AKAP6: variants seen among roughly 807,000 people sequenced by gnomAD.
The protein encoded by AKAP6 is A-kinase anchoring protein 6.
AKAP6 carries 58 observed loss-of-function variants against 188.5 expected under a neutral mutation model. That is an observed-to-expected ratio of 0.31 (90% CI 0.25 to 0.38). The LOEUF is 0.38. AKAP6 is among the 10% of genes least tolerant of loss of function. The pLI is 1.00. For missense variants in AKAP6, 2,710 were observed against 2,740.0 expected (o/e 0.99, Z 0.24); for synonymous variants, 989 against 998.6 (o/e 0.99, Z 0.18).
chr14:32,735,266 G>GT (rs2031360649), intron 10 of AKAP6, among the ~76,000 whole-genome samples: 1 of 152,064 alleles, frequency 6.6e-6, no homozygotes, highest in African/African-American at 2.4e-5. Flanking sequence ...TATGTGGAGA[G>GT]TTTTTTACTA....
chr14:32,794,134 A>G (rs989000986), intron 12 of AKAP6, among the ~76,000 whole-genome samples: 1 of 152,316 alleles, frequency 6.6e-6, no homozygotes, highest in African/African-American at 2.4e-5. Context: ...CAAAAAACTG[A>G]AATCATAACA....
chr14:32,388,919 T>C (rs1888618360), intron 1 of AKAP6, among the ~76,000 whole-genome samples: 1 of 152,194 alleles, frequency 6.6e-6, no homozygotes, highest in African/African-American at 2.4e-5. Flanking sequence ...TGATTTTCTG[T>C]CTTGATGACT....
At chr14:32,442,194 G>C (rs1890598455) in intron 2 of AKAP6, 1 of 152,198 alleles carries the variant, frequency 6.6e-6, no homozygotes, top group Admixed American at 6.5e-5. Flanking sequence ...TGAGGAGACT[G>C]AGTCTCAAAA....
In AKAP6 at chr14:32,821,670, A is replaced by G. The variant is rs781580822; in HGVS notation, c.3857A>G (p.Tyr1286Cys). 6.8e-6 allele frequency: 11 copies of G among 1,613,644 alleles called. No individual in the cohort carries two copies. In the Middle Eastern group the frequency reaches 6.6e-4, roughly 96 times the overall value. Residue 1286 changes from tyrosine (Y) to cysteine (C), a missense_variant, in exon 13 of 14, where the codon TAC (tyrosine) becomes TGC (cysteine). Physicochemically the swap from Tyr to Cys is radical, Grantham distance 194. Transcript: ENST00000280979. Reference sequence around the variant, plus strand: ...ACTGCCCCCTCTAGTCCACACATTTACCAGGTGTACAGCCTCCACAATGTT... The same window carrying G: ...ACTGCCCCCTCTAGTCCACACATTTGCCAGGTGTACAGCCTCCACAATGTT... ...NITAPSSPHI[Y>C]QVYSLHNVEL...
At chr14:32,447,897 T>C (rs1939746372) in intron 2 of AKAP6, among the ~76,000 whole-genome samples, 1 of 152,218 alleles carries the variant, frequency 6.6e-6, no homozygotes, top group African/African-American at 2.4e-5. Flanking sequence ...TACACCGACA[T>C]ATTTAAATCA....
At chr14:32,452,719 G>A (rs1890982398) in intron 2 of AKAP6, among the ~76,000 whole-genome samples, 1 of 152,118 alleles carries the variant, frequency 6.6e-6, no homozygotes, top group Admixed American at 6.5e-5. Flanking sequence ...ACATGTTGTT[G>A]AACTGTGCTC....
rs183054531 is a variant in AKAP6, at chr14:32,551,702, A to T, written c.2346+4703A>T. ...GAGATGGAGTCTTGCTCTGTCGCCC[A>T]GGCTGGAGTGCAGTGGCACGATCTC... On this transcript the variant is annotated intron_variant, in intron 4 of 13. Coordinates refer to ENST00000280979, the MANE Select transcript of AKAP6 (RefSeq NM_004274.5). Among the ~76,000 whole-genome samples, 923 of 151,598 alleles carry T rather than the reference A, an allele frequency of 6.1e-3. 6 individuals carry two copies. The highest frequency in any genetic ancestry group is 0.021 in the African/African-American group (878 of 41,376).
intron 2 of AKAP6, among the ~76,000 whole-genome samples, chr14:32,435,791 AC>A (rs1228763856): frequency 1.3e-5 from 2 of 152,224 alleles, no homozygotes; most frequent in Admixed American, 6.5e-5. Flanking sequence ...GAGCCTTTCC[AC>A]ATTGAGTTCA....
In AKAP6 at chr14:32,687,424, C is replaced by T. The variant is rs948998913; in HGVS notation, c.2880-8566C>T. 1.3e-5 allele frequency among the ~76,000 whole-genome samples: 2 copies of T among 149,448 alleles called. 1 individual carries two copies. The highest frequency in any genetic ancestry group is 4.2e-4 in the South Asian group (2 of 4,730). On this transcript the variant is annotated intron_variant, in intron 8 of 13. Transcript: ENST00000280979. Reference sequence around the variant, plus strand: ...TATCTCTCTCTCTCTCTCTCTCTCTCTCTCTCTCTCTCTCTCTTTCTCTCT... The same window carrying T: ...TATCTCTCTCTCTCTCTCTCTCTCTTTCTCTCTCTCTCTCTCTTTCTCTCT...
chr14:32,822,839 A>C lies in AKAP6; in HGVS notation c.5026A>C (p.Ile1676Leu). The change falls in exon 13 of 14, where the codon ATA (isoleucine) becomes CTA (leucine). Residue 1676 changes from isoleucine (I) to leucine (L), a missense_variant. Physicochemically the swap from Ile to Leu is conservative, Grantham distance 5. This residue lies in a region of AKAP6 where 2,473 missense variants were observed against 2,426.1 expected (regional missense o/e 1.02). Transcript: ENST00000280979. ...CTTTACTGGCCAGATGTCATTGGACATAGCATCTTCTATCAATGAAGACTC... is the reference window on the plus strand; with the variant it reads ...CTTTACTGGCCAGATGTCATTGGACCTAGCATCTTCTATCAATGAAGACTC... ...MSFTGQMSLDIASSINEDSAA... is the reference protein window; with the variant it reads ...MSFTGQMSLDLASSINEDSAA... The C allele has an allele frequency of 6.2e-7, 1 of 1,614,010 alleles. No homozygotes were observed. Among genetic ancestry groups the C allele is most frequent in the Non-Finnish European group, 8.5e-7 (1 of 1,179,926 alleles).
chr14:32,676,017 A>G (rs1889409726), intron 7 of AKAP6, among the ~76,000 whole-genome samples: 1 of 152,172 alleles, frequency 6.6e-6, no homozygotes, highest in African/African-American at 2.4e-5. Context: ...ACCCAGAATG[A>G]ATCATGATCA....
intron 2 of AKAP6, among the ~76,000 whole-genome samples, chr14:32,516,552 G>A (rs963252895): frequency 1.3e-5 from 2 of 152,112 alleles, no homozygotes; most frequent in Non-Finnish European, 2.9e-5. Context: ...ACTAGTAGTA[G>A]TATTAAGATA....
At chr14:32,711,934 C>T (rs1160671592) in intron 9 of AKAP6, among the ~76,000 whole-genome samples, 2 of 151,898 alleles carry the variant, frequency 1.3e-5, no homozygotes, top group Non-Finnish European at 2.9e-5. Flanking sequence ...ATTCCAACTT[C>T]AGTATTTTCT....
At chr14:32,506,920 T>C (rs1424166301) in intron 2 of AKAP6, among the ~76,000 whole-genome samples, 6 of 152,284 alleles carry the variant, frequency 3.9e-5, no homozygotes, top group East Asian at 1.9e-4. Context: ...TACACACATA[T>C]ACACACACAC....
At chr14:32,826,993 A>C (rs1566742614) in intron 13 of AKAP6, among the ~76,000 whole-genome samples, 1 of 152,104 alleles carries the variant, frequency 6.6e-6, no homozygotes, top group Non-Finnish European at 1.5e-5. Flanking sequence ...CCTATTCAGG[A>C]TTTTTTTCAG....
intron 11 of AKAP6, among the ~76,000 whole-genome samples, chr14:32,742,019 G>T (rs1490379321): frequency 6.6e-6 from 1 of 151,446 alleles, no homozygotes; most frequent in African/African-American, 2.4e-5. Context: ...TTTCTTTACT[G>T]GGGGATTTTT....
At chr14:32,384,946 G>A (rs985636902) in intron 1 of AKAP6, 1 of 152,030 alleles carries the variant, frequency 6.6e-6, no homozygotes, top group African/African-American at 2.4e-5. Context: ...TTATGGTAAT[G>A]GGTGCTGATG....
chr14:32,546,045 T>C lies in AKAP6; in HGVS notation c.1392T>C (p.Asn464=), dbSNP rs1883182081. Residue 464 remains asparagine (N), a synonymous_variant, in exon 4 of 14, where the codon AAT becomes AAC. Transcript: ENST00000280979. ...QSYECLHKVG[N]GNLENTVKFH... ...ATGAGTGTTTACACAAGGTGGGGAA[T>C]GGGAACCTTGAAAACACAGTCAAAT... 1.2e-6 allele frequency: 2 copies of C among 1,614,178 alleles called. No individual in the cohort carries two copies. The highest frequency in any genetic ancestry group is 2.2e-5 in the East Asian group (1 of 44,874).
chr14:32,672,149 T>G (rs766307423), intron 7 of AKAP6, among the ~76,000 whole-genome samples: 2 of 152,202 alleles, frequency 1.3e-5, no homozygotes, highest in African/African-American at 2.4e-5. Context: ...TTTAGCAAAC[T>G]GCATTTTGTG....
Sources: allele counts gnomAD v4.1 joint callset (sites outside exome capture counted in the v4.1 genomes callset), GRCh38; gene constraint gnomAD v4.1.1; regional missense constraint gnomAD v4.1.1; transcripts MANE v1.5; gene names NCBI Gene and HGNC (gene_info 2026-07-23, HGNC 2026-07-21).